Variants in GET4 observed in about 807,000 individuals in gnomAD.
GET4 encodes the protein guided entry of tail-anchored proteins factor 4, also known as Golgi to ER traffic protein 4 homolog.
In GET4, 20 loss-of-function variants were observed where a neutral mutation model predicts 40.0. That is an observed-to-expected ratio of 0.50 (90% CI 0.35 to 0.73). The LOEUF (loss-of-function observed/expected upper bound fraction) is 0.73, where lower values mean the gene tolerates loss of function less well. GET4 is among the 30% of genes least tolerant of loss of function. The pLI is 0.01. For synonymous variants in GET4, 280 were observed against 194.6 expected (o/e 1.44, Z -3.65); for missense variants, 557 against 454.0 (o/e 1.23, Z -2.06).
At chr7:878,292 C>T (rs777592744) in intron 1 of GET4, 37 of 471,016 alleles carry the variant, frequency 7.9e-5, no homozygotes, top group Admixed American at 2.3e-5. Flanking sequence ...AGTATTTTTG[C>T]TGTCATACAG....
intron 4 of GET4, among the ~76,000 whole-genome samples, chr7:889,659 C>T (rs113336202): frequency 1.3e-5 from 2 of 148,360 alleles, no homozygotes. Context: ...GGAGTGTGAG[C>T]GGGTGTTAGG....
chr7:887,813 C>A (rs1459995252), intron 4 of GET4, among the ~76,000 whole-genome samples: 1 of 152,216 alleles, frequency 6.6e-6, no homozygotes, highest in Non-Finnish European at 1.5e-5. Flanking sequence ...TGCTGCTGCT[C>A]CTTTCTGGAA....
rs920034146 is a variant in GET4 at position 895,497 on chromosome 7, T to C, written c.*75T>C. The C allele has an allele frequency of 9.4e-6, 7 of 747,074 alleles. No individual in the cohort carries two copies. The African/African-American group carries it at 1.1e-4, about 11-fold the overall frequency. The allele number at this position is 747,074 out of a possible 1,614,324, so 46.3% of individuals were successfully genotyped here. A position where few individuals can be genotyped will look rare whatever the true frequency, so the allele number is the denominator to read the frequency against. On this transcript the variant is annotated 3_prime_UTR_variant, in exon 9 of 9. Coordinates refer to ENST00000265857, the MANE Select transcript of GET4 (RefSeq NM_015949.3). ...GTTTCAGAGGCGAGTCCTGGGTGGC[T>C]CCTCGCCTTGGGGGCTCCTGGCCCT...
chr7:887,666 C>G, intron 4 of GET4, 147 bp downstream of exon 4: 1 of 563,286 alleles, frequency 1.8e-6, no homozygotes, highest in South Asian at 5.0e-5. Flanking sequence ...GAGACCCATG[C>G]GCCATGCTAA....
chr7:891,639 C>T (rs936996930), intron 5 of GET4, among the ~76,000 whole-genome samples: 7 of 152,274 alleles, frequency 4.6e-5, no homozygotes, highest in African/African-American at 1.7e-4. Context: ...TTGTGCCCGT[C>T]AGTTTCTTCC....
chr7:883,497 A>G (rs1844126791), intron 1 of GET4: 3 of 985,258 alleles, frequency 3.0e-6, no homozygotes, highest in Non-Finnish European at 3.6e-6. Flanking sequence ...AGAAGAGCAA[A>G]ATCAGCTAGA....
At position 893,802 on chromosome 7, in the gene GET4, C is replaced by T; in HGVS notation, c.809C>T (p.Pro270Leu). 1.9e-6 allele frequency: 3 copies of T among 1,611,018 alleles called. No individual in the cohort carries two copies. The highest frequency in any genetic ancestry group is 1.7e-6 in the Non-Finnish European group (2 of 1,177,768). Residue 270 changes from proline (P) to leucine (L), a missense_variant, in exon 7 of 9, where the codon CCC (proline) becomes CTC (leucine). Coordinates refer to ENST00000265857, the MANE Select transcript of GET4 (RefSeq NM_015949.3). ...TACCAGCCATCCCTCCGGCGGGACC[C>T]CATGTACAACGAGGTGAGAGCTTGG... ...EQYQPSLRRD[P>L]MYNEYLDRIG...
At chr7:882,951 C>T (rs929607236) in intron 1 of GET4, 3 of 152,338 alleles carry the variant, frequency 2.0e-5, no homozygotes, top group African/African-American at 7.2e-5. Context: ...CTTCCTGCCA[C>T]TTGGCTCCTC....
chr7:878,452 C>T (rs1337809958), intron 1 of GET4: 1 of 451,788 alleles, frequency 2.2e-6, no homozygotes, highest in African/African-American at 2.0e-5. Flanking sequence ...TTAGTATTTT[C>T]CATGGGGTAC....
intron 6 of GET4, among the ~76,000 whole-genome samples, chr7:892,829 G>A (rs1562897848): frequency 6.6e-6 from 1 of 151,422 alleles, no homozygotes; most frequent in African/African-American, 2.4e-5. Flanking sequence ...CGTATGTGCA[G>A]GTGTTGCGTG....
At chr7:891,956 G>A (rs1251757589) in intron 5 of GET4, among the ~76,000 whole-genome samples, 1 of 152,190 alleles carries the variant, frequency 6.6e-6, no homozygotes, top group Non-Finnish European at 1.5e-5. Flanking sequence ...TTCTGGTGCG[G>A]GCCAGCGCCT....
chr7:892,205 C>A, intron 5 of GET4, 73 bp from the exon 6 acceptor site: 1 of 1,500,142 alleles, frequency 6.7e-7, no homozygotes, highest in Non-Finnish European at 9.2e-7. Flanking sequence ...AAGGACATGT[C>A]GGAGGCCGGC....
At chr7:892,109 G>T (rs563511243) in intron 5 of GET4, among the ~76,000 whole-genome samples, 169 bp from the exon 6 acceptor site, 39 of 152,380 alleles carry the variant, frequency 2.6e-4, no homozygotes, top group South Asian at 1.0e-3. Context: ...TCCCTGGTGT[G>T]CCCTGCACAT....
intron 5 of GET4, among the ~76,000 whole-genome samples, 183 bp downstream of exon 5, chr7:891,249 AGAAG>A (rs1484229867): frequency 6.6e-6 from 1 of 152,212 alleles, no homozygotes; most frequent in Non-Finnish European, 1.5e-5. Context: ...ACCAATGTTA[AGAAG>A]TATTTTAGAA....
At chr7:877,277 C>T (rs1426586100) in intron 1 of GET4, among the ~76,000 whole-genome samples, 7 of 148,652 alleles carry the variant, frequency 4.7e-5, no homozygotes, top group Admixed American at 4.0e-4. Flanking sequence ...GGCCCCTCGT[C>T]TCTCTGTCCT....
At chr7:880,340 G>A (rs1364552888) in intron 1 of GET4, 2 of 152,198 alleles carry the variant, frequency 1.3e-5, no homozygotes, top group South Asian at 2.1e-4. Context: ...ACTCTGTCTC[G>A]ATAAATAAAT....
chr7:892,621 G>A (rs754970277), intron 6 of GET4: 46 of 471,474 alleles, frequency 9.8e-5, no homozygotes, highest in Middle Eastern at 5.6e-4. Context: ...ATGGTAGTGC[G>A]GGTAGCTGTG....
intron 5 of GET4, among the ~76,000 whole-genome samples, chr7:891,464 G>A (rs979667714): frequency 2.0e-5 from 3 of 152,132 alleles, no homozygotes; most frequent in African/African-American, 7.2e-5. Context: ...TGCAGGCCAG[G>A]CTCCGGGCGC....
In GET4 at chr7:891,081, C is replaced by A; in HGVS notation, c.605+15C>A. 6.4e-7 allele frequency: 1 copy of A among 1,568,466 alleles called. No homozygotes were observed. Among genetic ancestry groups the A allele is most frequent in the Non-Finnish European group, 8.7e-7 (1 of 1,153,358 alleles). ...GCCGTGCTACAGTAGGTGTCTGTGG[C>A]TCTTCGGGTCTCGGCTTCCATTGCT... On this transcript the variant is annotated intron_variant, in intron 5 of 8. Coordinates refer to ENST00000265857, the MANE Select transcript of GET4 (RefSeq NM_015949.3).
Sources: gnomAD v4.1 joint callset for allele counts (sites outside exome capture counted in the v4.1 genomes callset) on GRCh38, gnomAD v4.1.1 for gene constraint, MANE v1.5 for transcripts, NCBI Gene and HGNC (gene_info 2026-07-23, HGNC 2026-07-21) for gene names.